The following FBXL20 variants were observed in gnomAD, a reference collection of about 807,000 sequenced individuals.
FBXL20 encodes the protein F-box and leucine rich repeat protein 20, also known as F-box/LRR-repeat protein 20.
A neutral mutation model predicts 64.0 loss-of-function variants in FBXL20; 11 were observed. The ratio of observed to expected loss-of-function variants is 0.17; its 90% confidence interval spans 0.11 to 0.28. The LOEUF is 0.28. FBXL20 is among the 10% of genes least tolerant of loss of function. FBXL20 has a pLI of 1.00. For missense variants in FBXL20, 303 were observed against 526.2 expected (o/e 0.58, Z 4.15); for synonymous variants, 184 against 189.0 (o/e 0.97, Z 0.22).
intron 1 of FBXL20, among the ~76,000 whole-genome samples, chr17:39,356,121 A>AGAAGAATCACCTGAACCC (rs1390347444): frequency 1.3e-5 from 2 of 150,580 alleles, no homozygotes; most frequent in African/African-American, 4.9e-5. Flanking sequence ...AGGCTGAGGC[A>AGAAGAATCACCTGAACCC]GAAGAATCAC....
intron 6 of FBXL20, among the ~76,000 whole-genome samples, chr17:39,289,360 C>CA (rs1217833896): frequency 6.6e-6 from 1 of 152,148 alleles, no homozygotes; most frequent in Non-Finnish European, 1.5e-5. Flanking sequence ...AGTATCTTAA[C>CA]AATATTGAGT....
intron 1 of FBXL20, among the ~76,000 whole-genome samples, chr17:39,396,186 C>T (rs1469681082): frequency 6.6e-6 from 1 of 151,724 alleles, no homozygotes; most frequent in Non-Finnish European, 1.5e-5. Flanking sequence ...AAATATGATC[C>T]TCTGCTTTTA....
chr17:39,338,075 G>A (rs2047546208), intron 2 of FBXL20, among the ~76,000 whole-genome samples: 1 of 152,202 alleles, frequency 6.6e-6, no homozygotes, highest in Non-Finnish European at 1.5e-5. Context: ...TGATGACAAT[G>A]GCGCTTTTGT....
chr17:39,331,700 G>T (rs1274127320), intron 2 of FBXL20, among the ~76,000 whole-genome samples: 1 of 152,144 alleles, frequency 6.6e-6, no homozygotes, highest in Non-Finnish European at 1.5e-5. Context: ...TAAAGTTTAA[G>T]GAAAGGTAAT....
At chr17:39,326,390 T>C (rs775400930) in intron 2 of FBXL20, among the ~76,000 whole-genome samples, 1 of 151,930 alleles carries the variant, frequency 6.6e-6, no homozygotes, top group Non-Finnish European at 1.5e-5. Flanking sequence ...TCAGGTACAG[T>C]GGCTCATACC....
At chr17:39,295,784 GATATATAT>G (rs10568875) in intron 6 of FBXL20, among the ~76,000 whole-genome samples, 1 of 137,068 alleles carries the variant, frequency 7.3e-6, no homozygotes, top group Non-Finnish European at 1.6e-5. Flanking sequence ...CAAATATGGA[GATATATAT>G]ATATATATAT....
intron 2 of FBXL20, among the ~76,000 whole-genome samples, chr17:39,308,197 C>T (rs942317045): frequency 2.7e-5 from 4 of 150,468 alleles, no homozygotes; most frequent in African/African-American, 4.9e-5. Context: ...AGGCTGGTCT[C>T]GAGCTCCTGG....
chr17:39,389,337 T>A (rs1213443073), intron 1 of FBXL20, among the ~76,000 whole-genome samples: 2 of 152,096 alleles, frequency 1.3e-5, no homozygotes, highest in Non-Finnish European at 2.9e-5. Context: ...GTGGCAGAAA[T>A]AAGTTGTGAT....
At chr17:39,396,713 T>C (rs915863180) in intron 1 of FBXL20, among the ~76,000 whole-genome samples, 1 of 151,766 alleles carries the variant, frequency 6.6e-6, no homozygotes, top group Non-Finnish European at 1.5e-5. Context: ...CCCAGCACTT[T>C]GGGAGGCTGA....
intron 2 of FBXL20, among the ~76,000 whole-genome samples, chr17:39,335,702 T>TAAGTAAGTAC (rs1352623878): frequency 6.6e-6 from 1 of 152,078 alleles, no homozygotes; most frequent in African/African-American, 2.4e-5. Flanking sequence ...GTGGTACCGC[T>TAAGTAAGTAC]AAGTAAGTAC....
At position 39,355,586 on chromosome 17, in the gene FBXL20, T is replaced by C. The variant is rs2047728204; in HGVS notation, c.43-12345A>G. Among the ~76,000 whole-genome samples the C allele has an allele frequency of 2.0e-5, 3 of 151,380 alleles. No individual in the cohort carries two copies. In the South Asian group the frequency reaches 6.3e-4, roughly 32 times the overall value. On this transcript the variant is annotated intron_variant, in intron 1 of 14. Coordinates refer to ENST00000264658, the MANE Select transcript of FBXL20 (RefSeq NM_032875.3). ...ACAAGAACTCCTGGGCCGGGCGCGG[T>C]GGCTCACGCCTGTAATCCCAGCACT...
rs2075169046 is a variant in FBXL20 at position 39,260,623 on chromosome 17, T to C, written c.*837A>G. On this transcript the variant is annotated 3_prime_UTR_variant, in exon 15 of 15. Transcript: ENST00000264658. ...ATTAAAAAAATATTTATTGATAATATCTTTTTAAAAAATGTTTGGTAATCC... is the reference window on the plus strand; with the variant it reads ...ATTAAAAAAATATTTATTGATAATACCTTTTTAAAAAATGTTTGGTAATCC... 6.6e-6 allele frequency: 1 copy of C among 152,494 alleles called. No individual in the cohort carries two copies. Among genetic ancestry groups the C allele is most frequent in the Admixed American group, 6.5e-5 (1 of 15,276 alleles). 9.4% of individuals were successfully genotyped at this position (152,494 alleles called of 1,614,324 possible).
At chr17:39,314,927 A>G (rs2047271183) in intron 2 of FBXL20, among the ~76,000 whole-genome samples, 1 of 150,486 alleles carries the variant, frequency 6.6e-6, no homozygotes, top group African/African-American at 2.5e-5. Context: ...CCTCCCAAGT[A>G]GCTGGGATTA....
chr17:39,271,865 A>G (rs73308815), intron 10 of FBXL20, among the ~76,000 whole-genome samples: 1 of 152,200 alleles, frequency 6.6e-6, no homozygotes, highest in Non-Finnish European at 1.5e-5. Context: ...AAATGGTAAC[A>G]AAGAACATGT....
chr17:39,321,323 GC>G (rs969066471), intron 2 of FBXL20, among the ~76,000 whole-genome samples: 1 of 151,460 alleles, frequency 6.6e-6, no homozygotes, highest in Non-Finnish European at 1.5e-5. Flanking sequence ...ACGGTGGCAG[GC>G]ACTTGTAATC....
intron 9 of FBXL20, among the ~76,000 whole-genome samples, chr17:39,279,029 A>C (rs1365062760): frequency 6.6e-6 from 1 of 151,736 alleles, no homozygotes; most frequent in Admixed American, 6.6e-5. Context: ...CTGTAATCTC[A>C]GCTACTCGGG....
intron 9 of FBXL20, among the ~76,000 whole-genome samples, chr17:39,279,088 G>C (rs182889876): frequency 1.3e-5 from 2 of 151,938 alleles, no homozygotes; most frequent in Non-Finnish European, 2.9e-5. Context: ...AGGTTGCAGA[G>C]AGCCGAGATC....
intron 9 of FBXL20, among the ~76,000 whole-genome samples, chr17:39,277,371 A>G (rs371378000): frequency 2.2e-4 from 33 of 152,210 alleles, no homozygotes; most frequent in African/African-American, 7.5e-4. Flanking sequence ...ACAATATTAG[A>G]AAAGTACCGT....
intron 6 of FBXL20, among the ~76,000 whole-genome samples, chr17:39,286,454 T>C (rs612194): frequency 6.6e-6 from 1 of 151,674 alleles, no homozygotes; most frequent in Admixed American, 6.6e-5. Flanking sequence ...GCCTCAAGTG[T>C]TCCGCGTGCC....
Sources: gnomAD v4.1 joint callset for allele counts (sites outside exome capture counted in the v4.1 genomes callset) on GRCh38, gnomAD v4.1.1 for gene constraint, MANE v1.5 for transcripts, NCBI Gene and HGNC (gene_info 2026-07-23, HGNC 2026-07-21) for gene names.